Variants in VEPH1 observed in about 807,000 individuals in gnomAD.
VEPH1 encodes ventricular zone-expressed PH domain-containing protein homolog 1.
In VEPH1, 80 loss-of-function variants were observed where a neutral mutation model predicts 85.2. The observed-to-expected ratio is 0.94, with a 90% CI of 0.78 to 1.13. The LOEUF is 1.13. VEPH1 is among the 50% of genes most tolerant of loss of function. VEPH1 has a pLI of 0.00. For synonymous variants in VEPH1, 297 were observed against 348.0 expected, an observed-to-expected ratio of 0.85 and a Z score of 1.63; for missense variants, 955 against 980.5, an observed-to-expected ratio of 0.97 and a Z score of 0.35.
At chr3:157,345,071 A>T (rs1577393477) in intron 9 of VEPH1, among the ~76,000 whole-genome samples, 1 of 152,204 alleles carries the variant, frequency 6.6e-6, no homozygotes, top group South Asian at 2.1e-4. Context: ...AACCATAAAA[A>T]CCCTAGAAGA....
At chr3:157,496,126 T>C (rs1739647226) in intron 1 of VEPH1, among the ~76,000 whole-genome samples, 1 of 152,236 alleles carries the variant, frequency 6.6e-6, no homozygotes. Context: ...AAATCTCTAC[T>C]GAACATGAAG....
chr3:157,403,670 A>G (rs1730933153), intron 6 of VEPH1, among the ~76,000 whole-genome samples: 1 of 152,210 alleles, frequency 6.6e-6, no homozygotes, highest in South Asian at 2.1e-4. Context: ...TAGGTAATGC[A>G]TGATATTTCC....
intron 8 of VEPH1, among the ~76,000 whole-genome samples, chr3:157,364,062 GAC>G (rs903570871): frequency 4.6e-5 from 7 of 152,150 alleles, no homozygotes; most frequent in African/African-American, 1.7e-4. Flanking sequence ...GAAATCAAGA[GAC>G]AGTATTTTCC....
intron 11 of VEPH1, among the ~76,000 whole-genome samples, chr3:157,297,918 T>C (rs1332424316): frequency 6.6e-6 from 1 of 152,038 alleles, no homozygotes; most frequent in Non-Finnish European, 1.5e-5. Flanking sequence ...TGCAATGAAG[T>C]GTGTCCATTC....
intron 9 of VEPH1, among the ~76,000 whole-genome samples, chr3:157,360,752 C>G (rs1725966458): frequency 6.6e-6 from 1 of 152,028 alleles, no homozygotes; most frequent in African/African-American, 2.4e-5. Flanking sequence ...AATCAAAATT[C>G]AAAGTATGGT....
chr3:157,389,839 C>T (rs771273496), intron 6 of VEPH1, among the ~76,000 whole-genome samples: 1 of 152,120 alleles, frequency 6.6e-6, no homozygotes, highest in African/African-American at 2.4e-5. Context: ...GCAAGATCAG[C>T]TTTACTGAGG....
At chr3:157,292,053 A>G (rs1040643059) in intron 11 of VEPH1, among the ~76,000 whole-genome samples, 7 of 152,200 alleles carry the variant, frequency 4.6e-5, no homozygotes, top group Non-Finnish European at 1.0e-4. Flanking sequence ...TGTTTGTCTT[A>G]ATTCATCAAT....
intron 13 of VEPH1, among the ~76,000 whole-genome samples, chr3:157,261,757 C>A (rs1378970712): frequency 1.3e-5 from 2 of 152,036 alleles, no homozygotes; most frequent in Non-Finnish European, 2.9e-5. Context: ...CTTTGTGCTA[C>A]CTCTGAGAAA....
intron 6 of VEPH1, among the ~76,000 whole-genome samples, chr3:157,389,792 T>G (rs1729685341): frequency 6.6e-6 from 1 of 152,162 alleles, no homozygotes; most frequent in Admixed American, 6.5e-5. Flanking sequence ...AGGGGATGAA[T>G]TTCTATGAAA....
chr3:157,464,682 G>A (rs923845945), intron 3 of VEPH1, among the ~76,000 whole-genome samples: 1 of 152,156 alleles, frequency 6.6e-6, no homozygotes, highest in Non-Finnish European at 1.5e-5. Context: ...AACTTTTGGT[G>A]GAAATTGTGT....
At chr3:157,289,042 G>A (rs1349902483) in intron 11 of VEPH1, among the ~76,000 whole-genome samples, 2 of 152,164 alleles carry the variant, frequency 1.3e-5, no homozygotes, top group African/African-American at 4.8e-5. Context: ...GACTGAAGAA[G>A]CACCTGGGAA....
At chr3:157,341,927 A>G (rs895326556) in intron 9 of VEPH1, among the ~76,000 whole-genome samples, 4 of 151,938 alleles carry the variant, frequency 2.6e-5, no homozygotes, top group East Asian at 3.9e-4. Context: ...GCCAAACTAA[A>G]CTTCATAAGT....
intron 7 of VEPH1, among the ~76,000 whole-genome samples, chr3:157,367,976 T>C (rs66928005): frequency 0.17 from 26,182 of 152,228 alleles, 2,640 homozygotes; most frequent in South Asian, 0.43. Flanking sequence ...TGTCCTAAGA[T>C]AATTTTATTG....
intron 4 of VEPH1, among the ~76,000 whole-genome samples, chr3:157,444,003 C>T (rs1250963733): frequency 1.3e-5 from 2 of 152,140 alleles, no homozygotes; most frequent in East Asian, 1.9e-4. Flanking sequence ...ATTTGGGAGA[C>T]CTAAGAATCT....
chr3:157,458,556 T>C (rs1308347448), intron 4 of VEPH1, among the ~76,000 whole-genome samples: 1 of 152,240 alleles, frequency 6.6e-6, no homozygotes, highest in African/African-American at 2.4e-5. Flanking sequence ...GCAAAAATTT[T>C]CTCCCATTCT....
rs1726409729 is a variant in VEPH1, at chr3:157,364,452, T to C, written c.1188A>G (p.Val396=). The C allele has an allele frequency of 6.2e-7, 1 of 1,613,942 alleles. No individual in the cohort carries two copies. The highest frequency in any genetic ancestry group is 1.7e-5 in the Admixed American group (1 of 60,004). ...GTTTTTCATGGTCTTCATTTTCAGT[T>C]ACTATGAGCTTGGTTTCTTCCAGTT... is the stretch of plus-strand genomic sequence containing the variant. ...PEKLEETKLI[V]TENEDHEKLQ... is the part of the protein sequence containing the mutation. The change falls in exon 8 of 14, where the codon GTA becomes GTG. Residue 396 remains valine, a synonymous_variant. Coordinates refer to ENST00000362010, the MANE Select transcript of VEPH1 (RefSeq NM_001167912.2).
At chr3:157,457,618 A>G (rs1735489448) in intron 4 of VEPH1, among the ~76,000 whole-genome samples, 1 of 152,136 alleles carries the variant, frequency 6.6e-6, no homozygotes, top group South Asian at 2.1e-4. Context: ...CAAAAGCCTT[A>G]TCTGCATCTA....
At chr3:157,487,969 A>G (rs770051967) in intron 2 of VEPH1, among the ~76,000 whole-genome samples, 5 of 152,168 alleles carry the variant, frequency 3.3e-5, no homozygotes, top group Non-Finnish European at 5.9e-5. Flanking sequence ...TCTTTAAATA[A>G]AAAGAGAGAA....
chr3:157,318,581 T>A (rs1441662822), intron 9 of VEPH1, among the ~76,000 whole-genome samples: 3 of 146,698 alleles, frequency 2.0e-5, no homozygotes, highest in Non-Finnish European at 4.5e-5. Flanking sequence ...CACTCTAGCC[T>A]GGGCAACAGA....
Sources: gnomAD v4.1 joint callset for allele counts (sites outside exome capture counted in the v4.1 genomes callset) on GRCh38, gnomAD v4.1.1 for gene constraint, MANE v1.5 for transcripts, NCBI Gene and HGNC (gene_info 2026-07-23, HGNC 2026-07-21) for gene names.